DNAH14: variants seen among roughly 807,000 people sequenced by gnomAD.
DNAH14 encodes axonemal beta dynein heavy chain 14.
DNAH14 carries 478 observed loss-of-function variants against 520.9 expected under a neutral mutation model. The observed-to-expected ratio is 0.92, with a 90% confidence interval of 0.85 to 0.99. DNAH14 has a LOEUF of 0.99. Among genes scored for constraint, DNAH14 ranks in the 50% least tolerant of loss-of-function variants. DNAH14 has a pLI of 0.00. For missense variants in DNAH14, 4,831 were observed against 5,234.5 expected (o/e 0.92, Z 2.38); for synonymous variants, 1,581 against 1,757.2 (o/e 0.90, Z 2.51).
chr1:225,127,189 T>C (rs1266400420), intron 27 of DNAH14, among the ~76,000 whole-genome samples: 2 of 152,168 alleles, frequency 1.3e-5, no homozygotes, highest in African/African-American at 4.8e-5. Flanking sequence ...ATTCTGTTGA[T>C]TTGGGGTGGA....
rs1164748683 is a variant in DNAH14, at chr1:225,358,539, A to G, written c.11663A>G (p.Lys3888Arg). The G allele has an allele frequency of 1.3e-6, 2 of 1,543,982 alleles. No homozygotes were observed. Among genetic ancestry groups the G allele is most frequent in the Non-Finnish European group, 8.7e-7 (1 of 1,143,872 alleles). Reference sequence around the variant, plus strand: ...GAAAGTTTAAACAATTCAGTGAGAAAGTTTATAACTGAAAAAATGGGAAAT... The same window carrying G: ...GAAAGTTTAAACAATTCAGTGAGAAGGTTTATAACTGAAAAAATGGGAAAT... ...RPESLNNSVR[K>R]FITEKMGNKY... is the part of the protein sequence containing the mutation. Residue 3888 changes from lysine (K) to arginine (R), a missense_variant, in exon 74 of 86, where the codon AAG becomes AGG. By Grantham distance (26) the Lys-to-Arg change is conservative. Transcript: ENST00000682510.
intron 63 of DNAH14, 44 bp from the exon 64 acceptor site, chr1:225,324,693 A>G: frequency 6.8e-7 from 1 of 1,479,286 alleles, no homozygotes; most frequent in Non-Finnish European, 9.2e-7. Context: ...TTAACAGTAA[A>G]CCCGACGTTT....
At chr1:225,207,551 G>GT (rs1329208724) in intron 41 of DNAH14, among the ~76,000 whole-genome samples, 1 of 152,156 alleles carries the variant, frequency 6.6e-6, no homozygotes, top group African/African-American at 2.4e-5. Flanking sequence ...AATTCCAGGT[G>GT]TAAGTTGTAA....
chr1:225,379,010 G>T (rs1329221212), intron 79 of DNAH14, among the ~76,000 whole-genome samples: 3 of 152,134 alleles, frequency 2.0e-5, no homozygotes, highest in African/African-American at 7.2e-5. Context: ...ACCTCCCGGG[G>T]CCCTGGTTTC....
chr1:225,220,792 G>GA (rs1244431334), intron 41 of DNAH14, among the ~76,000 whole-genome samples: 1 of 152,066 alleles, frequency 6.6e-6, no homozygotes, highest in Non-Finnish European at 1.5e-5. Flanking sequence ...CACAGAATTA[G>GA]AAAAAAACTA....
chr1:225,082,124 T>G (rs2073193274), intron 19 of DNAH14, among the ~76,000 whole-genome samples: 1 of 149,802 alleles, frequency 6.7e-6, no homozygotes, highest in African/African-American at 2.4e-5. Flanking sequence ...AGATGTTAAT[T>G]AAATAAATAA....
chr1:225,274,194 GTTAT>G (rs1419678731), intron 52 of DNAH14, among the ~76,000 whole-genome samples: 4 of 120,330 alleles, frequency 3.3e-5, no homozygotes, highest in African/African-American at 6.8e-5. Flanking sequence ...ACCAGCATCT[GTTAT>G]TTTTTTTTTT....
chr1:225,039,255 A>G (rs1380122669), intron 12 of DNAH14, among the ~76,000 whole-genome samples: 1 of 152,186 alleles, frequency 6.6e-6, no homozygotes, highest in Non-Finnish European at 1.5e-5. Flanking sequence ...AGGCCACCCT[A>G]TGTAAAGTAG....
At chr1:225,123,867 C>T (rs563573258) in intron 27 of DNAH14, among the ~76,000 whole-genome samples, 1 of 152,254 alleles carries the variant, frequency 6.6e-6, no homozygotes, top group Non-Finnish European at 1.5e-5. Context: ...ATTCTGCTGC[C>T]TCAGCCTCCT....
intron 1 of DNAH14, among the ~76,000 whole-genome samples, chr1:224,933,249 A>G (rs1425514799): frequency 6.6e-6 from 1 of 152,102 alleles, no homozygotes; most frequent in East Asian, 1.9e-4. Flanking sequence ...GTGTATAGAA[A>G]TGCTACTGAT....
At chr1:225,214,091 T>C (rs986164591) in intron 41 of DNAH14, among the ~76,000 whole-genome samples, 2 of 152,204 alleles carry the variant, frequency 1.3e-5, no homozygotes, top group Admixed American at 1.3e-4. Flanking sequence ...CGTCAATACC[T>C]AGTTTATTGA....
chr1:225,137,636 A>G (rs2079068471), intron 27 of DNAH14, among the ~76,000 whole-genome samples: 2 of 152,126 alleles, frequency 1.3e-5, no homozygotes, highest in African/African-American at 2.4e-5. Flanking sequence ...GATTACAGGC[A>G]TGAACCACTG....
At chr1:225,100,914 A>G (rs1329963015) in intron 23 of DNAH14, 30 bp downstream of exon 23, 2 of 1,429,616 alleles carry the variant, frequency 1.4e-6, no homozygotes, top group African/African-American at 1.5e-5. Context: ...AAAGCAGTGA[A>G]TCATTTAACA....
chr1:224,952,870 C>T, intron 2 of DNAH14, 91 bp downstream of exon 2: 4 of 802,764 alleles, frequency 5.0e-6, no homozygotes, highest in African/African-American at 1.8e-5. Context: ...CAGTGAAAGA[C>T]TTAAAATATC....
rs115746621 is a variant in DNAH14, at chr1:225,342,029, G to A, written c.10678+1328G>A. On this transcript the variant is annotated intron_variant, in intron 69 of 85. Coordinates refer to ENST00000682510, the MANE Select transcript of DNAH14 (RefSeq NM_001367479.1). ...TACTGAATCTGAACTTCCGCACATC[G>A]GGCCCTGGCTTATATTTATTTTCGA... Among the ~76,000 whole-genome samples the A allele has an allele frequency of 3.4e-3, 511 of 152,162 alleles. 1 individual carries two copies. Among genetic ancestry groups the A allele is most frequent in the African/African-American group, 0.011 (464 of 41,530 alleles).
intron 23 of DNAH14, among the ~76,000 whole-genome samples, chr1:225,110,362 TA>T (rs960985003): frequency 2.3e-5 from 3 of 130,526 alleles, no homozygotes; most frequent in African/African-American, 1.4e-4. Flanking sequence ...TACTTGTTAT[TA>T]GTCTGTTCAG....
chr1:225,373,873 C>T (rs1465966777), intron 77 of DNAH14, among the ~76,000 whole-genome samples: 1 of 151,694 alleles, frequency 6.6e-6, no homozygotes, highest in Non-Finnish European at 1.5e-5. Context: ...TGCCTGTAAT[C>T]TCAGCACTTT....
intron 17 of DNAH14, among the ~76,000 whole-genome samples, chr1:225,056,562 C>T (rs574498441): frequency 6.6e-6 from 1 of 152,124 alleles, no homozygotes; most frequent in Non-Finnish European, 1.5e-5. Context: ...ATTTTGGCTT[C>T]TGTTGCCATC....
chr1:225,096,357 AAAGTT>A (rs1392765645), intron 21 of DNAH14, among the ~76,000 whole-genome samples: 3 of 152,338 alleles, frequency 2.0e-5, no homozygotes, highest in Admixed American at 6.5e-5. Context: ...AATATAAAAT[AAAGTT>A]AAGAAGTAAA....
Sources: gnomAD v4.1 joint callset for allele counts (sites outside exome capture counted in the v4.1 genomes callset) on GRCh38, gnomAD v4.1.1 for gene constraint, MANE v1.5 for transcripts, NCBI Gene and HGNC (gene_info 2026-07-23, HGNC 2026-07-21) for gene names.